DLGAP2: variants seen among roughly 807,000 people sequenced by gnomAD.
DLGAP2 encodes DLG associated protein 2.
DLGAP2 carries 26 observed loss-of-function variants against 100.3 expected under a neutral mutation model. The ratio of observed to expected loss-of-function variants is 0.26; its 90% CI spans 0.19 to 0.36. DLGAP2 has a LOEUF of 0.36. Ranked by LOEUF, DLGAP2 falls within the 10% of genes least tolerant of loss-of-function variation. The pLI, the probability that DLGAP2 is intolerant of heterozygous loss-of-function variation, is 1.00. For synonymous variants in DLGAP2, 886 were observed against 630.1 expected (o/e 1.41, Z -6.08); for missense variants, 1,858 against 1,453.2 (o/e 1.28, Z -4.53).
Position 1,474,301 on chromosome 8 carries a change from G to C in DLGAP2, c.107-27065G>C, listed in dbSNP as rs188324273. On this transcript the variant is annotated intron_variant, in intron 3 of 14. Transcript: ENST00000637795. ...TATTGATTGATGGGCATTTGGGCTG[G>C]TTCCGTGTTTTTGTGATTGTGAATT... Among the ~76,000 whole-genome samples the C allele has an allele frequency of 3.3e-5, 5 of 152,270 alleles. No individual in the cohort carries two copies. The East Asian group carries it at 9.7e-4, about 29-fold the overall frequency.
chr8:1,529,890 C>G (rs1188160437), intron 4 of DLGAP2, among the ~76,000 whole-genome samples: 1 of 152,156 alleles, frequency 6.6e-6, no homozygotes, highest in Non-Finnish European at 1.5e-5. Context: ...CAAAAACCAG[C>G]ACGTTTTTAT....
intron 3 of DLGAP2, among the ~76,000 whole-genome samples, chr8:1,411,204 A>G (rs879437690): frequency 3.9e-5 from 6 of 152,194 alleles, no homozygotes; most frequent in South Asian, 2.1e-4. Flanking sequence ...ATTCATTGCA[A>G]TAATTTGGTC....
At chr8:1,408,776 A>G (rs1028169038) in intron 3 of DLGAP2, among the ~76,000 whole-genome samples, 3 of 152,042 alleles carry the variant, frequency 2.0e-5, no homozygotes, top group Non-Finnish European at 4.4e-5. Context: ...TGGCAGCTCT[A>G]CCACCAAGAG....
chr8:1,622,734 C>A (rs1563262815), intron 6 of DLGAP2, among the ~76,000 whole-genome samples: 2 of 152,228 alleles, frequency 1.3e-5, no homozygotes, highest in African/African-American at 2.4e-5. Context: ...AAAAAAAATT[C>A]TGAGCTACTA....
At chr8:1,286,714 G>A (rs1048476843) in intron 3 of DLGAP2, among the ~76,000 whole-genome samples, 1 of 152,204 alleles carries the variant, frequency 6.6e-6, no homozygotes, top group South Asian at 2.1e-4. Context: ...ATTAAGCAGA[G>A]CAACTGGAGT....
At chr8:763,681 C>T (rs1413918194) in intron 1 of DLGAP2, among the ~76,000 whole-genome samples, 1 of 152,064 alleles carries the variant, frequency 6.6e-6, no homozygotes, top group East Asian at 1.9e-4. Context: ...GAGGGCAGCA[C>T]ACCTCACCGG....
At chr8:1,565,982 T>C in intron 6 of DLGAP2, 88 bp downstream of exon 6, 2 of 1,144,782 alleles carry the variant, frequency 1.7e-6, no homozygotes, top group Non-Finnish European at 2.4e-6. Flanking sequence ...GTGAGCTGAG[T>C]GCCATCCATT....
intron 3 of DLGAP2, among the ~76,000 whole-genome samples, chr8:1,269,654 A>G (rs554176963): frequency 6.6e-6 from 1 of 152,222 alleles, no homozygotes; most frequent in African/African-American, 2.4e-5. Context: ...ACCTTTGTAA[A>G]ATGACCTTGG....
At chr8:1,289,457 A>G (rs919196222) in intron 3 of DLGAP2, among the ~76,000 whole-genome samples, 1 of 152,088 alleles carries the variant, frequency 6.6e-6, no homozygotes, top group East Asian at 1.9e-4. Context: ...CCCTTCTTCT[A>G]TTTTTAAGCC....
intron 2 of DLGAP2, among the ~76,000 whole-genome samples, chr8:1,005,859 A>G (rs1447191698): frequency 2.0e-5 from 3 of 152,140 alleles, no homozygotes; most frequent in South Asian, 2.1e-4. Flanking sequence ...TGTGCTCCAG[A>G]TGTCCCATGA....
intron 2 of DLGAP2, among the ~76,000 whole-genome samples, chr8:980,763 G>C (rs892083487): frequency 2.6e-5 from 4 of 152,128 alleles, no homozygotes; most frequent in African/African-American, 9.7e-5. Flanking sequence ...GCAGGATAGG[G>C]AATGGGGGCT....
At chr8:1,581,983 A>G (rs1256685531) in intron 6 of DLGAP2, among the ~76,000 whole-genome samples, 8 of 151,672 alleles carry the variant, frequency 5.3e-5, no homozygotes, top group East Asian at 3.9e-4. Context: ...ACACATGTAC[A>G]CACCACAGTC....
chr8:1,295,448 G>A (rs1254142516), intron 3 of DLGAP2, among the ~76,000 whole-genome samples: 3 of 152,298 alleles, frequency 2.0e-5, no homozygotes, highest in Middle Eastern at 3.4e-3. Context: ...AGGGAAGCCA[G>A]GAAAGGCTGT....
intron 8 of DLGAP2, among the ~76,000 whole-genome samples, chr8:1,654,531 A>G (rs574743776): frequency 7.2e-5 from 11 of 152,138 alleles, no homozygotes; most frequent in African/African-American, 2.7e-4. Context: ...CATGGTGGCA[A>G]GCGCCTGTAC....
chr8:785,131 G>A (rs535785531), intron 1 of DLGAP2, among the ~76,000 whole-genome samples: 2 of 146,452 alleles, frequency 1.4e-5, no homozygotes, highest in African/African-American at 5.1e-5. Context: ...GCAGGAGAAT[G>A]GGGTGAACCT....
At chr8:1,160,717 C>T (rs1441920787) in intron 2 of DLGAP2, among the ~76,000 whole-genome samples, 1 of 152,214 alleles carries the variant, frequency 6.6e-6, no homozygotes, top group Admixed American at 6.5e-5. Flanking sequence ...CAGCATGGTG[C>T]AGACCACAAA....
At chr8:1,253,651 C>T (rs180958447) in intron 2 of DLGAP2, among the ~76,000 whole-genome samples, 1 of 152,186 alleles carries the variant, frequency 6.6e-6, no homozygotes, top group East Asian at 1.9e-4. Flanking sequence ...CAGCGGGCTG[C>T]GTGTGGTGAG....
intron 3 of DLGAP2, chr8:1,262,624 C>G (rs1799374617): frequency 6.6e-6 from 1 of 152,120 alleles, no homozygotes. Context: ...CTAAGACGGT[C>G]TCAATTTATA....
At chr8:1,057,625 GGA>G (rs1380207880) in intron 2 of DLGAP2, among the ~76,000 whole-genome samples, 1 of 152,180 alleles carries the variant, frequency 6.6e-6, no homozygotes, top group Non-Finnish European at 1.5e-5. Context: ...AAGTCTTTCT[GGA>G]GAATGTAAGC....
Sources: gnomAD v4.1 joint callset for allele counts (sites outside exome capture counted in the v4.1 genomes callset) on GRCh38, gnomAD v4.1.1 for gene constraint, MANE v1.5 for transcripts, NCBI Gene and HGNC (gene_info 2026-07-23, HGNC 2026-07-21) for gene names.